The following ERBB4 variants were observed in gnomAD, a reference collection of about 807,000 sequenced individuals.
ERBB4 encodes the protein erb-b2 receptor tyrosine kinase 4.
Under a neutral mutation model 158.0 loss-of-function variants are expected in ERBB4, and 42 were observed. The observed-to-expected ratio is 0.27, with a 90% CI of 0.21 to 0.34. The LOEUF is 0.34. ERBB4 is among the 10% of genes least tolerant of loss of function. The pLI is 1.00. For synonymous variants in ERBB4, 583 were observed against 558.7 expected (o/e 1.04, Z -0.61); for missense variants, 1,333 against 1,624.1 (o/e 0.82, Z 3.08).
rs148678953 is a variant in ERBB4 at position 212,008,223 on chromosome 2, T to A, written c.235-60607A>T. 1.7e-3 allele frequency among the ~76,000 whole-genome samples: 260 copies of A among 152,186 alleles called. 1 individual carries two copies. The highest frequency in any genetic ancestry group is 4.0e-3 in the East Asian group (21 of 5,188). ...CTAGTCTACAGGGGGGTTTTACACA[T>A]TACAAAATGCAAATTATGATACATC... On this transcript the variant is annotated intron_variant, in intron 2 of 27. Transcript: ENST00000342788.
At chr2:211,497,398 T>C (rs1191887836) in intron 20 of ERBB4, among the ~76,000 whole-genome samples, 1 of 152,108 alleles carries the variant, frequency 6.6e-6, no homozygotes, top group East Asian at 1.9e-4. Flanking sequence ...ATAAACACTA[T>C]AGTCCCAGTG....
chr2:211,844,033 T>A (rs10932408), intron 3 of ERBB4, among the ~76,000 whole-genome samples: 33,029 of 151,962 alleles, frequency 0.22, 3,714 homozygotes, highest in South Asian at 0.32. Flanking sequence ...GTTTATTCTA[T>A]CTACACTGCC....
At chr2:211,719,658 A>T (rs7419832) in intron 7 of ERBB4, among the ~76,000 whole-genome samples, 17,923 of 151,950 alleles carry the variant, frequency 0.12, 1,187 homozygotes, top group African/African-American at 0.16. Context: ...GATCGAGACC[A>T]TCCTGGCTAA....
At chr2:212,465,697 A>G (rs576748393) in intron 1 of ERBB4, among the ~76,000 whole-genome samples, 78 of 152,200 alleles carry the variant, frequency 5.1e-4, no homozygotes, top group South Asian at 2.5e-3. Flanking sequence ...TCAAAGCTTC[A>G]TTACCTCCCT....
chr2:212,391,715 CATAT>C (rs202048949), intron 1 of ERBB4, among the ~76,000 whole-genome samples: 1 of 131,102 alleles, frequency 7.6e-6, no homozygotes, highest in Non-Finnish European at 1.6e-5. Context: ...TATATATTGA[CATAT>C]ATATTATATA....
At chr2:212,066,860 T>C (rs959535846) in intron 2 of ERBB4, among the ~76,000 whole-genome samples, 1 of 151,928 alleles carries the variant, frequency 6.6e-6, no homozygotes, top group Non-Finnish European at 1.5e-5. Context: ...CCAATAGCTA[T>C]GAGTTCATTC....
In ERBB4 at chr2:212,374,556, A is replaced by T. The variant is rs74267716; in HGVS notation, c.82+163893T>A. ...AGTCATCATTTTCCACATATCATTC[A>T]TGTTTTTAGAAGGCTTCAAGTTTTA... On this transcript the variant is annotated intron_variant, in intron 1 of 27. Transcript: ENST00000342788. Among the ~76,000 whole-genome samples, 14 of 151,990 alleles carry T rather than the reference A, an allele frequency of 9.2e-5. No individual in the cohort carries two copies. The East Asian group carries it at 2.3e-3, about 25-fold the overall frequency.
At position 211,812,552 on chromosome 2, in the gene ERBB4, G is replaced by A. The variant is rs181970766; in HGVS notation, c.422-24393C>T. Among the ~76,000 whole-genome samples, 152 of 152,296 alleles carry A rather than the reference G, an allele frequency of 1.0e-3. 1 individual carries two copies. Among genetic ancestry groups the A allele is most frequent in the Non-Finnish European group, 1.3e-4 (9 of 68,026 alleles). Reference sequence around the variant, plus strand: ...TTCTCCAAGCTCAAACACTTTGCTGGAAGAACCACTGCTCTCCTCAGAGCT... The same window carrying A: ...TTCTCCAAGCTCAAACACTTTGCTGAAAGAACCACTGCTCTCCTCAGAGCT... On this transcript the variant is annotated intron_variant, in intron 3 of 27. Coordinates refer to ENST00000342788, the MANE Select transcript of ERBB4 (RefSeq NM_005235.3).
chr2:212,298,980 T>A (rs1356167047), intron 1 of ERBB4, among the ~76,000 whole-genome samples: 2 of 151,776 alleles, frequency 1.3e-5, no homozygotes, highest in Non-Finnish European at 3.0e-5. Flanking sequence ...TACATGATAA[T>A]AATTATCATA....
intron 1 of ERBB4, among the ~76,000 whole-genome samples, chr2:212,530,070 A>G (rs1692666764): frequency 6.6e-6 from 1 of 152,192 alleles, no homozygotes; most frequent in Non-Finnish European, 1.5e-5. Context: ...AAAGTTTCAG[A>G]ATAAAAACTA....
At chr2:211,460,766 AT>A (rs1387125060) in intron 20 of ERBB4, among the ~76,000 whole-genome samples, 2 of 152,192 alleles carry the variant, frequency 1.3e-5, no homozygotes, top group Non-Finnish European at 2.9e-5. Context: ...TTAAAAAAAA[AT>A]CAATGTTTAT....
intron 1 of ERBB4, among the ~76,000 whole-genome samples, chr2:212,356,991 G>GA (rs2089485311): frequency 6.6e-6 from 1 of 151,680 alleles, no homozygotes; most frequent in Non-Finnish European, 1.5e-5. Flanking sequence ...TGTGGCCTAA[G>GA]AAAAAATTAT....
rs565217771 is a variant in ERBB4, at chr2:212,094,122, G to C, written c.234+30630C>G. 2.0e-5 allele frequency among the ~76,000 whole-genome samples: 3 copies of C among 152,100 alleles called. No individual in the cohort carries two copies. In the East Asian group the frequency reaches 5.8e-4, roughly 29 times the overall value. The stretch of plus-strand genomic sequence containing the variant: ...CTCATGTTGAAATGCAGTCCCCTAT[G>C]TTGAGGTGGGGCCTGGTGGGAGGCT... On this transcript the variant is annotated intron_variant, in intron 2 of 27. Coordinates refer to ENST00000342788, the MANE Select transcript of ERBB4 (RefSeq NM_005235.3).
In ERBB4 at chr2:211,562,069, C is replaced by T. The variant is rs2067410351; in HGVS notation, c.2321G>A (p.Ser774Asn). ...CCGGACTAGGTGTGGATGATCCATA[C>T]TTGCCATGATCAGAGCTTCCTGTAA... The part of the protein sequence containing the change: ...EFMDEALIMA[S>N]MDHPHLVRLL... The change falls in exon 20 of 28, where the codon AGT (serine) becomes AAT (asparagine). Residue 774 changes from serine (S) to asparagine (N), a missense_variant. Physicochemically the swap from Ser to Asn is conservative, Grantham distance 46. Around this residue, in one of 5 missense-constraint regions of ERBB4, gnomAD observed 314 missense variants for 437.6 expected, o/e 0.72. Coordinates refer to ENST00000342788, the MANE Select transcript of ERBB4 (RefSeq NM_005235.3). The T allele has an allele frequency of 1.2e-6, 2 of 1,613,740 alleles. No individual in the cohort carries two copies. The highest frequency in any genetic ancestry group is 8.5e-7 in the Non-Finnish European group (1 of 1,180,030).
chr2:211,435,073 A>G (rs947900539), intron 20 of ERBB4, among the ~76,000 whole-genome samples: 4 of 152,236 alleles, frequency 2.6e-5, no homozygotes, highest in African/African-American at 9.6e-5. Flanking sequence ...TCAAAATGAA[A>G]TAACTCTTCA....
intron 5 of ERBB4, among the ~76,000 whole-genome samples, chr2:211,734,738 G>C (rs2074546364): frequency 6.6e-6 from 1 of 150,884 alleles, no homozygotes; most frequent in South Asian, 2.1e-4. Flanking sequence ...GGCTAACATG[G>C]TGAAACCCCA....
chr2:212,040,131 G>T (rs924219167), intron 2 of ERBB4, among the ~76,000 whole-genome samples: 1 of 151,692 alleles, frequency 6.6e-6, no homozygotes, highest in Non-Finnish European at 1.5e-5. Flanking sequence ...TTTTAACTGA[G>T]AATTCAATGT....
intron 2 of ERBB4, among the ~76,000 whole-genome samples, chr2:212,108,802 A>G (rs929266193): frequency 6.6e-6 from 1 of 151,272 alleles, no homozygotes; most frequent in African/African-American, 2.4e-5. Context: ...AAGACAGAAG[A>G]GTCACAAAGA....
chr2:211,897,052 C>T (rs945560315), intron 3 of ERBB4, among the ~76,000 whole-genome samples: 2 of 149,584 alleles, frequency 1.3e-5, no homozygotes, highest in African/African-American at 4.9e-5. Context: ...TAATATTATA[C>T]AAATTATTAT....
Sources: gnomAD v4.1 joint callset for allele counts (sites outside exome capture counted in the v4.1 genomes callset) on GRCh38, gnomAD v4.1.1 for gene constraint, gnomAD v4.1.1 regional missense constraint, MANE v1.5 for transcripts, NCBI Gene and HGNC (gene_info 2026-07-23, HGNC 2026-07-21) for gene names.